Variants in ITSN1 observed in about 807,000 individuals in gnomAD.
ITSN1 encodes the protein intersectin-1.
Under a neutral mutation model 239.8 loss-of-function variants are expected in ITSN1, and 58 were observed. The observed-to-expected ratio is 0.24, with a 90% CI of 0.20 to 0.30. ITSN1 has a LOEUF of 0.30. ITSN1 is among the 10% of genes least tolerant of loss of function. The probability of loss-of-function intolerance (pLI) is 1.00; values close to 1 mark genes in which losing one functional copy is unlikely to be tolerated. For synonymous variants in ITSN1, 780 were observed against 770.8 expected, an observed-to-expected ratio of 1.01 and a Z score of -0.20; for missense variants, 1,558 against 2,103.3, an observed-to-expected ratio of 0.74 and a Z score of 5.07.
intron 29 of ITSN1, among the ~76,000 whole-genome samples, chr21:33,848,047 A>G (rs1602581054): frequency 6.6e-6 from 1 of 152,228 alleles, no homozygotes; most frequent in East Asian, 1.9e-4. Flanking sequence ...TGCCACACAC[A>G]GCTGCCGCAC....
chr21:33,787,102 C>G (rs138048267), intron 16 of ITSN1, among the ~76,000 whole-genome samples: 1 of 152,288 alleles, frequency 6.6e-6, no homozygotes, highest in East Asian at 1.9e-4. Context: ...ATGATTGATT[C>G]TTTCCTATTG....
intron 29 of ITSN1, chr21:33,837,047 C>T: frequency 1.2e-6 from 2 of 1,611,160 alleles, no homozygotes; most frequent in Non-Finnish European, 1.7e-6. Context: ...CCCACTATCC[C>T]ATATCACTGC....
intron 22 of ITSN1, 173 bp downstream of exon 22, chr21:33,814,245 AGTTGGG>A (rs988282932): frequency 6.5e-5 from 9 of 137,424 alleles, no homozygotes; most frequent in African/African-American, 3.5e-4. Flanking sequence ...AATAGTTGGG[AGTTGGG>A]GGTGGGGGTG....
Position 33,735,111 on chromosome 21 carries a change from A to G in ITSN1, c.253A>G (p.Ile85Val). 6 of 1,613,994 alleles carry G rather than the reference A, an allele frequency of 3.7e-6. No homozygotes were observed. Among genetic ancestry groups the G allele is most frequent in the Non-Finnish European group, 5.1e-6 (6 of 1,179,896 alleles). Reference protein sequence around the residue: ...QVEFSIAMKLIKLKLQGYQLP... With the variant: ...QVEFSIAMKLVKLKLQGYQLP... ...GGAGTTTTCCATAGCTATGAAACTTATCAAACTGAAGCTACAAGGATATCA... is the reference window on the plus strand; with the variant it reads ...GGAGTTTTCCATAGCTATGAAACTTGTCAAACTGAAGCTACAAGGATATCA... Residue 85 changes from isoleucine to valine, a missense_variant, in exon 5 of 40, where the codon ATC (isoleucine) becomes GTC (valine). Ile to Val is a conservative substitution (Grantham distance 29). Transcript: ENST00000381318.
In ITSN1 at chr21:33,880,661, TTG is replaced by T. The variant is rs1230153419; in HGVS notation, c.4342-1581_4342-1580del. Among the ~76,000 whole-genome samples the T allele has an allele frequency of 7.9e-5, 12 of 152,188 alleles. 2 individuals are homozygous for T. The highest frequency in any genetic ancestry group is 2.6e-4 in the African/African-American group (11 of 41,518). ...ATGGACAGGTGGCCATCAGCTTCTT[TTG>T]GGGGACACATGTTACGAACCTATCA... On this transcript the variant is annotated intron_variant, in intron 34 of 39. Coordinates refer to ENST00000381318, the MANE Select transcript of ITSN1 (RefSeq NM_003024.3).
chr21:33,769,049 A>G (rs891319567), intron 11 of ITSN1, among the ~76,000 whole-genome samples: 2 of 152,184 alleles, frequency 1.3e-5, no homozygotes, highest in Non-Finnish European at 2.9e-5. Flanking sequence ...GTTGGTGTAG[A>G]CTGGGGAAGA....
chr21:33,888,613 T>C lies in ITSN1; in HGVS notation c.*313T>C, dbSNP rs531414568. ...CTGGGAGTCTAGCCCCTTCCCGGGC[T>C]TGAGGGATGGGTCTGGTTACTATAA... On this transcript the variant is annotated 3_prime_UTR_variant, in exon 40 of 40. Coordinates refer to ENST00000381318, the MANE Select transcript of ITSN1 (RefSeq NM_003024.3). The C allele has an allele frequency of 4.2e-5, 10 of 238,826 alleles. No homozygotes were observed. The highest frequency in any genetic ancestry group is 6.4e-5 in the Non-Finnish European group (8 of 124,330). 14.8% of individuals were successfully genotyped at this position (238,826 alleles called of 1,614,324 possible).
At chr21:33,774,604 G>A in intron 12 of ITSN1, 125 bp from the exon 13 acceptor site, 1 of 858,886 alleles carries the variant, frequency 1.2e-6, no homozygotes, top group African/African-American at 1.7e-5. Context: ...TTTCTAATGT[G>A]ATTTCTTGTA....
intron 21 of ITSN1, 89 bp from the exon 22 acceptor site, chr21:33,813,823 CT>C (rs764000502): frequency 0.14 from 125,022 of 876,582 alleles, 1 homozygote; most frequent in Non-Finnish European, 0.15. Flanking sequence ...GGAGTGCTTG[CT>C]TTTTTTTTTT....
intron 1 of ITSN1, among the ~76,000 whole-genome samples, chr21:33,675,966 T>A (rs2090565041): frequency 1.3e-5 from 2 of 152,158 alleles, no homozygotes; most frequent in Admixed American, 1.3e-4. Context: ...CTTGTGGAAT[T>A]TTTTTTCTTT....
chr21:33,778,567 T>G (rs960696136), intron 14 of ITSN1, among the ~76,000 whole-genome samples: 6 of 130,342 alleles, frequency 4.6e-5, no homozygotes, highest in Non-Finnish European at 9.2e-5. Flanking sequence ...GTTTATAATA[T>G]TCTCTTTTTT....
At chr21:33,695,051 G>A (rs1464562376) in intron 1 of ITSN1, among the ~76,000 whole-genome samples, 1 of 152,146 alleles carries the variant, frequency 6.6e-6, no homozygotes, top group East Asian at 1.9e-4. Flanking sequence ...CTGGCCTCAA[G>A]CAGTCCTCCT....
At position 33,707,640 on chromosome 21, in the gene ITSN1, TC is replaced by T. The variant is rs143715529; in HGVS notation, c.-32-11156del. 2.2e-4 allele frequency among the ~76,000 whole-genome samples: 33 copies of T among 152,356 alleles called. No homozygotes were observed. The East Asian group carries it at 6.4e-3, about 29-fold the overall frequency. On this transcript the variant is annotated intron_variant, in intron 1 of 39. Transcript: ENST00000381318. Reference sequence around the variant, plus strand: ...TTCTAGAATTTTTCTGGAAGTGGAATCATAGATATATACTTCTTTTTTAATC... The same window carrying T: ...TTCTAGAATTTTTCTGGAAGTGGAATATAGATATATACTTCTTTTTTAATC...
rs1038786922 is a variant in ITSN1, at chr21:33,898,362, G to T, written c.*10062G>T. The T allele has an allele frequency of 6.6e-6, 1 of 152,228 alleles. No homozygotes were observed. The highest frequency in any genetic ancestry group is 2.4e-5 in the African/African-American group (1 of 41,452). The allele number at this position is 152,228 out of a possible 1,614,324, so 9.4% of individuals were successfully genotyped here. A position where few individuals can be genotyped will look rare whatever the true frequency, so the allele number is the denominator to read the frequency against. On this transcript the variant is annotated 3_prime_UTR_variant, in exon 40 of 40. Coordinates refer to ENST00000381318, the MANE Select transcript of ITSN1 (RefSeq NM_003024.3). ...GGTTTCTGAGTTAAGCCGTTTTGGGGCAGGCTTCTGGATGCCCATGTTTCC... is the reference window on the plus strand; with the variant it reads ...GGTTTCTGAGTTAAGCCGTTTTGGGTCAGGCTTCTGGATGCCCATGTTTCC...
At chr21:33,813,683 C>T (rs943499664) in intron 21 of ITSN1, among the ~76,000 whole-genome samples, 26 of 152,144 alleles carry the variant, frequency 1.7e-4, no homozygotes, top group African/African-American at 5.8e-4. Context: ...TAGAAAGCCA[C>T]ATTAAGTATA....
At chr21:33,646,779 T>C (rs899024634) in intron 1 of ITSN1, among the ~76,000 whole-genome samples, 3 of 152,200 alleles carry the variant, frequency 2.0e-5, no homozygotes, top group African/African-American at 7.2e-5. Flanking sequence ...AGCTAACCCA[T>C]TTAATTATTG....
chr21:33,750,365 G>A (rs747229012), intron 6 of ITSN1, 43 bp downstream of exon 6: 7 of 1,531,552 alleles, frequency 4.6e-6, no homozygotes, highest in Admixed American at 3.4e-5. Context: ...TTTACTACTT[G>A]TATTTTGCTG....
chr21:33,826,238 G>A (rs938769971), intron 25 of ITSN1, among the ~76,000 whole-genome samples: 6 of 152,158 alleles, frequency 3.9e-5, no homozygotes, highest in Admixed American at 1.3e-4. Context: ...GAAATTGGGT[G>A]GAAAGGCCAC....
In ITSN1 at chr21:33,782,011, C is replaced by T. The variant is rs759585042; in HGVS notation, c.1702C>T (p.Leu568Phe). 3.5e-5 allele frequency: 57 copies of T among 1,606,806 alleles called. No individual in the cohort carries two copies. Among genetic ancestry groups the T allele is most frequent in the Non-Finnish European group, 4.7e-5 (55 of 1,178,318 alleles). Residue 568 changes from leucine (L) to phenylalanine (F), a missense_variant, in exon 16 of 40, where the codon CTT (leucine) becomes TTT (phenylalanine). Leu to Phe is a conservative substitution (Grantham distance 22). Coordinates refer to ENST00000381318, the MANE Select transcript of ITSN1 (RefSeq NM_003024.3). ...NSLHRDSLVT[L>F]KRALEAKELA... The stretch of plus-strand genomic sequence containing the variant: ...TAAAATAGGAGATTCACTTGTTACA[C>T]TTAAAAGAGCCTTAGAAGCAAAAGA...
Sources: gnomAD v4.1 joint callset for allele counts (sites outside exome capture counted in the v4.1 genomes callset) on GRCh38, gnomAD v4.1.1 for gene constraint, MANE v1.5 for transcripts, NCBI Gene and HGNC (gene_info 2026-07-23, HGNC 2026-07-21) for gene names.